SEC22A: variants seen among roughly 807,000 people sequenced by gnomAD.
SEC22A encodes the protein SEC22 homolog A, vesicle trafficking protein, also known as vesicle-trafficking protein SEC22a.
A neutral mutation model predicts 35.3 loss-of-function variants in SEC22A; 22 were observed. That is an observed-to-expected ratio of 0.62 (90% CI 0.45 to 0.89). The LOEUF is 0.89. SEC22A is among the 40% of genes least tolerant of loss of function. The probability of loss-of-function intolerance (pLI) is 0.00; values close to 1 mark genes in which losing one functional copy is unlikely to be tolerated. For missense variants in SEC22A, 354 were observed against 362.5 expected (o/e 0.98, Z 0.19); for synonymous variants, 119 against 129.5 (o/e 0.92, Z 0.55).
chr3:123,228,313 C>A (rs1364845322), intron 4 of SEC22A, among the ~76,000 whole-genome samples: 1 of 150,922 alleles, frequency 6.6e-6, no homozygotes, highest in East Asian at 1.9e-4. Flanking sequence ...CACCTATAAT[C>A]CCAGCATTTG....
intron 5 of SEC22A, among the ~76,000 whole-genome samples, chr3:123,257,932 C>T (rs573450388): frequency 6.8e-6 from 1 of 146,380 alleles, no homozygotes; most frequent in Non-Finnish European, 1.5e-5. Flanking sequence ...GTGGAGGTTG[C>T]AGTGAGCCAA....
At chr3:123,260,961 G>A (rs142007053) in intron 6 of SEC22A, among the ~76,000 whole-genome samples, 2,317 of 151,316 alleles carry the variant, frequency 0.015, 23 homozygotes, top group Non-Finnish European at 0.026. Context: ...TCAGCCTCCC[G>A]AGTAGCTGGG....
At chr3:123,232,637 A>C (rs1021560305) in intron 4 of SEC22A, among the ~76,000 whole-genome samples, 1 of 152,344 alleles carries the variant, frequency 6.6e-6, no homozygotes, top group East Asian at 1.9e-4. Flanking sequence ...GCTTGAGCTC[A>C]GGAGTTCAAG....
chr3:123,251,056 G>A (rs1937608365), intron 5 of SEC22A, among the ~76,000 whole-genome samples: 1 of 144,898 alleles, frequency 6.9e-6, no homozygotes, highest in Non-Finnish European at 1.5e-5. Context: ...AACTTAATTA[G>A]TAGATTTTAA....
chr3:123,211,928 C>T (rs570893590), intron 2 of SEC22A, among the ~76,000 whole-genome samples: 18 of 152,112 alleles, frequency 1.2e-4, no homozygotes, highest in African/African-American at 3.9e-4. Flanking sequence ...ATTAGCCAGG[C>T]GTGACATAGT....
intron 6 of SEC22A, among the ~76,000 whole-genome samples, chr3:123,262,842 T>A (rs1937923694): frequency 1.3e-5 from 2 of 152,246 alleles, no homozygotes; most frequent in African/African-American, 4.8e-5. Flanking sequence ...ATGGGTAAAG[T>A]TTTTCTAATT....
At chr3:123,241,608 C>T (rs1007881192) in intron 4 of SEC22A, among the ~76,000 whole-genome samples, 2 of 152,126 alleles carry the variant, frequency 1.3e-5, no homozygotes, top group Non-Finnish European at 2.9e-5. Context: ...TCCCTCCCTC[C>T]AACACTGTAA....
chr3:123,229,634 C>T (rs533090079), intron 4 of SEC22A, among the ~76,000 whole-genome samples: 37 of 152,184 alleles, frequency 2.4e-4, no homozygotes, highest in South Asian at 6.2e-4. Context: ...GAGGCTGAGG[C>T]GGGCAGATCA....
At chr3:123,209,947 A>C (rs13063474) in intron 2 of SEC22A, among the ~76,000 whole-genome samples, 41,226 of 152,140 alleles carry the variant, frequency 0.27, 7,139 homozygotes, top group Non-Finnish European at 0.4. Flanking sequence ...CAGAGGTAGC[A>C]GCCAGTGGAG....
chr3:123,239,736 T>C (rs956750990), intron 4 of SEC22A, among the ~76,000 whole-genome samples: 5 of 152,160 alleles, frequency 3.3e-5, no homozygotes, highest in Non-Finnish European at 7.4e-5. Context: ...TAGCCCTTTG[T>C]CAGATGAGTA....
chr3:123,259,486 A>T, intron 5 of SEC22A, 38 bp from the exon 6 acceptor site: 1 of 1,471,294 alleles, frequency 6.8e-7, no homozygotes, highest in South Asian at 1.2e-5. Context: ...ATGGGCTCCC[A>T]CCGGAAACAA....
At chr3:123,246,558 A>G (rs1278979507) in intron 5 of SEC22A, among the ~76,000 whole-genome samples, 1 of 152,228 alleles carries the variant, frequency 6.6e-6, no homozygotes, top group Non-Finnish European at 1.5e-5. Flanking sequence ...CTTCCTAGAA[A>G]ACCACAAATT....
At chr3:123,234,915 C>T (rs932834415) in intron 4 of SEC22A, among the ~76,000 whole-genome samples, 7 of 151,356 alleles carry the variant, frequency 4.6e-5, no homozygotes, top group Non-Finnish European at 7.4e-5. Flanking sequence ...CCCAGCTACT[C>T]GGGAGGCTGA....
intron 4 of SEC22A, among the ~76,000 whole-genome samples, chr3:123,233,234 C>T (rs1373824105): frequency 2.0e-5 from 3 of 152,142 alleles, no homozygotes; most frequent in Non-Finnish European, 4.4e-5. Flanking sequence ...ATTTTTACTG[C>T]ACCTTTTCTA....
At chr3:123,260,875 G>C (rs1208579996) in intron 6 of SEC22A, among the ~76,000 whole-genome samples, 1 of 138,696 alleles carries the variant, frequency 7.2e-6, no homozygotes, top group Non-Finnish European at 1.5e-5. Context: ...TCGCTCTGTC[G>C]CCCAGGCTGG....
chr3:123,232,863 T>A lies in SEC22A; in HGVS notation c.541+7566T>A, dbSNP rs113687818. ...ATTTAAAAAATTAGGCCAGGCGCTGTGGTTCATGCCTATAATCCCAGCACT... is the reference window on the plus strand; with the variant it reads ...ATTTAAAAAATTAGGCCAGGCGCTGAGGTTCATGCCTATAATCCCAGCACT... On this transcript the variant is annotated intron_variant, in intron 4 of 6. Coordinates refer to ENST00000492595, the MANE Select transcript of SEC22A (RefSeq NM_012430.5). Among the ~76,000 whole-genome samples, 614 of 152,300 alleles carry A rather than the reference T, an allele frequency of 4.0e-3. 1 individual carries two copies. The highest frequency in any genetic ancestry group is 0.014 in the African/African-American group (581 of 41,558).
chr3:123,206,404 A>G (rs1936853197), intron 1 of SEC22A, among the ~76,000 whole-genome samples: 1 of 152,212 alleles, frequency 6.6e-6, no homozygotes, highest in Non-Finnish European at 1.5e-5. Context: ...GTGGGTATTT[A>G]GAACTGCAAG....
At chr3:123,202,618 A>G (rs1388815570) in intron 1 of SEC22A, among the ~76,000 whole-genome samples, 2 of 152,126 alleles carry the variant, frequency 1.3e-5, no homozygotes, top group Non-Finnish European at 2.9e-5. Flanking sequence ...GAGGCTTCCA[A>G]AAGAAAAGGA....
chr3:123,242,179 T>C (rs1937529845), intron 4 of SEC22A, among the ~76,000 whole-genome samples: 1 of 152,194 alleles, frequency 6.6e-6, no homozygotes, highest in African/African-American at 2.4e-5. Flanking sequence ...TCCCTTGGCC[T>C]GCTTCTTTCT....
Sources: gnomAD v4.1 joint callset for allele counts (sites outside exome capture counted in the v4.1 genomes callset) on GRCh38, gnomAD v4.1.1 for gene constraint, MANE v1.5 for transcripts, NCBI Gene and HGNC (gene_info 2026-07-23, HGNC 2026-07-21) for gene names.